Variants in SUCLG2 observed in about 807,000 individuals in gnomAD.
SUCLG2 encodes the protein succinate-CoA ligase GDP-forming subunit beta.
In SUCLG2, 42 loss-of-function variants were observed where a neutral mutation model predicts 47.9. The observed-to-expected ratio is 0.88, with a 90% CI of 0.69 to 1.14. The LOEUF (loss-of-function observed/expected upper bound fraction) is 1.14, where lower values mean the gene tolerates loss of function less well. SUCLG2 is among the 50% of genes most tolerant of loss of function. The probability of loss-of-function intolerance (pLI) is 0.00; values close to 1 mark genes in which losing one functional copy is unlikely to be tolerated. For synonymous variants in SUCLG2, 195 were observed against 197.3 expected (o/e 0.99, Z 0.10); for missense variants, 571 against 525.9 (o/e 1.09, Z -0.84).
At chr3:67,598,950 A>C (rs1487966140) in intron 2 of SUCLG2, among the ~76,000 whole-genome samples, 1 of 152,180 alleles carries the variant, frequency 6.6e-6, no homozygotes, top group Non-Finnish European at 1.5e-5. Context: ...ATACTACCAC[A>C]GTGCCTTCTC....
chr3:67,365,869 A>T (rs1285777529), intron 10 of SUCLG2, among the ~76,000 whole-genome samples: 1 of 152,234 alleles, frequency 6.6e-6, no homozygotes, highest in Non-Finnish European at 1.5e-5. Context: ...AAATTTGTAC[A>T]GGCAGTTTGC....
intron 2 of SUCLG2, among the ~76,000 whole-genome samples, chr3:67,551,906 A>G (rs1707024736): frequency 6.6e-6 from 1 of 152,162 alleles, no homozygotes; most frequent in Admixed American, 6.5e-5. Context: ...TCAACTCCAG[A>G]GCACAAGATC....
chr3:67,562,288 T>G (rs938430736), intron 2 of SUCLG2, among the ~76,000 whole-genome samples: 10 of 152,096 alleles, frequency 6.6e-5, no homozygotes, highest in African/African-American at 2.2e-4. Flanking sequence ...TTGTTTGTTT[T>G]TTTTTTTGAG....
chr3:67,567,893 A>G (rs1489694923), intron 2 of SUCLG2, among the ~76,000 whole-genome samples: 3 of 152,216 alleles, frequency 2.0e-5, no homozygotes, highest in South Asian at 2.1e-4. Context: ...ATTCAATTGT[A>G]CTTGACTCTA....
chr3:67,449,602 T>G (rs1217951917), intron 9 of SUCLG2, among the ~76,000 whole-genome samples: 1 of 151,938 alleles, frequency 6.6e-6, no homozygotes, highest in Non-Finnish European at 1.5e-5. Flanking sequence ...TGCTATTTGC[T>G]GAATATTTTA....
intron 2 of SUCLG2, among the ~76,000 whole-genome samples, chr3:67,574,693 A>G (rs9853969): frequency 0.011 from 1,693 of 152,222 alleles, 23 homozygotes; most frequent in African/African-American, 0.038. Flanking sequence ...TCTCCAAAAC[A>G]GAAAAAAATT....
intron 6 of SUCLG2, among the ~76,000 whole-genome samples, chr3:67,510,057 CA>C (rs1299877494): frequency 6.6e-6 from 1 of 152,202 alleles, no homozygotes; most frequent in African/African-American, 2.4e-5. Flanking sequence ...TGGAGAAGCC[CA>C]CCAGGGCTCT....
chr3:67,443,923 G>A (rs1314549538), intron 9 of SUCLG2, among the ~76,000 whole-genome samples: 19 of 90,492 alleles, frequency 2.1e-4, no homozygotes, highest in Admixed American at 9.3e-4. Flanking sequence ...AGTGAGGAGC[G>A]TCTCCGCCCG....
Position 67,536,195 on chromosome 3 carries a change from T to C in SUCLG2, c.227-7009A>G, listed in dbSNP as rs569537519. Among the ~76,000 whole-genome samples the C allele has an allele frequency of 4.6e-5, 7 of 152,342 alleles. No homozygotes were observed. In the South Asian group the frequency reaches 1.4e-3, roughly 32 times the overall value. On this transcript the variant is annotated intron_variant, in intron 2 of 10. Coordinates refer to ENST00000307227, the MANE Select transcript of SUCLG2 (RefSeq NM_003848.4). ...ATCCTGCTGGTGGAACATAAACTCATGAAGGTTTCATTTTCAGAGCCAATT... is the reference window on the plus strand; with the variant it reads ...ATCCTGCTGGTGGAACATAAACTCACGAAGGTTTCATTTTCAGAGCCAATT...
At chr3:67,401,878 T>C (rs939543388) in intron 9 of SUCLG2, among the ~76,000 whole-genome samples, 2 of 152,260 alleles carry the variant, frequency 1.3e-5, no homozygotes, top group African/African-American at 4.8e-5. Flanking sequence ...CTTACATTTG[T>C]ATAGCATTTA....
intron 2 of SUCLG2, among the ~76,000 whole-genome samples, chr3:67,557,040 G>A (rs764165827): frequency 6.6e-5 from 10 of 152,160 alleles, no homozygotes; most frequent in East Asian, 3.9e-4. Flanking sequence ...ACCACCTGTC[G>A]CTAGCATGAT....
chr3:67,466,660 T>G (rs7616399), intron 9 of SUCLG2, among the ~76,000 whole-genome samples: 81 of 152,328 alleles, frequency 5.3e-4, no homozygotes, highest in African/African-American at 1.8e-3. Flanking sequence ...TATCGATTTT[T>G]ATATGGCAAA....
chr3:67,430,408 CAA>C (rs1401057705), intron 9 of SUCLG2, among the ~76,000 whole-genome samples: 2 of 152,086 alleles, frequency 1.3e-5, no homozygotes, highest in South Asian at 4.2e-4. Flanking sequence ...CCAATGAGAA[CAA>C]AGACACAACA....
At chr3:67,631,550 C>G (rs1291288098) in intron 1 of SUCLG2, among the ~76,000 whole-genome samples, 1 of 152,104 alleles carries the variant, frequency 6.6e-6, no homozygotes, top group Non-Finnish European at 1.5e-5. Flanking sequence ...TCGTTTGAAC[C>G]TGGGAGGCAG....
In SUCLG2 at chr3:67,508,664, G is replaced by A. The variant is rs982574327; in HGVS notation, c.757+143C>T. ...GTGCTGAAATGTTCAACTGCATCAT[G>A]GGAGCATTTCAAACTATGGCAGAAA... On this transcript the variant is annotated intron_variant, in intron 7 of 10. Coordinates refer to ENST00000307227, the MANE Select transcript of SUCLG2 (RefSeq NM_003848.4). 2.6e-5 allele frequency: 17 copies of A among 654,914 alleles called. 1 individual carries two copies. In the East Asian group the frequency reaches 4.3e-4, roughly 17 times the overall value. 40.6% of individuals were successfully genotyped at this position (654,914 alleles called of 1,614,324 possible). A position where few individuals can be genotyped will look rare whatever the true frequency, so the allele number is the denominator to read the frequency against.
chr3:67,487,880 A>G (rs1195336141), intron 9 of SUCLG2, among the ~76,000 whole-genome samples: 1 of 152,148 alleles, frequency 6.6e-6, no homozygotes, highest in Non-Finnish European at 1.5e-5. Flanking sequence ...TTATGAGAAC[A>G]AGGAGGTTCA....
chr3:67,375,960 C>G, intron 10 of SUCLG2, 101 bp from the exon 11 acceptor site: 1 of 1,463,766 alleles, frequency 6.8e-7, no homozygotes. Flanking sequence ...CAGCTTTTCA[C>G]TAGGAAATGA....
rs2290174 is a variant in SUCLG2 at position 67,609,616 on chromosome 3, G to A, written c.85-20C>T. ...AACTGCCTACAGAAATTGAAGGAGAGAGGTAAGAACATTCATTAATAGCAA... is the reference window on the plus strand; with the variant it reads ...AACTGCCTACAGAAATTGAAGGAGAAAGGTAAGAACATTCATTAATAGCAA... On this transcript the variant is annotated intron_variant, in intron 1 of 10. Transcript: ENST00000307227. The A allele has an allele frequency of 0.44, 710,537 of 1,605,558 alleles. 161,771 individuals carry two copies. The highest frequency in any genetic ancestry group is 0.65 in the African/African-American group (48,105 of 74,508).
chr3:67,529,862 G>C (rs1706353904), intron 2 of SUCLG2, among the ~76,000 whole-genome samples: 1 of 152,212 alleles, frequency 6.6e-6, no homozygotes, highest in Non-Finnish European at 1.5e-5. Flanking sequence ...TGACTTTTTA[G>C]ACGAGAGTTA....
Sources: gnomAD v4.1 joint callset for allele counts (sites outside exome capture counted in the v4.1 genomes callset) on GRCh38, gnomAD v4.1.1 for gene constraint, MANE v1.5 for transcripts, NCBI Gene and HGNC (gene_info 2026-07-23, HGNC 2026-07-21) for gene names.